The following MYBL2 variants were observed in gnomAD, a reference collection of about 807,000 sequenced individuals.
MYBL2 encodes MYB proto-oncogene like 2, also known as myb-related protein B.
A neutral mutation model predicts 79.9 loss-of-function variants in MYBL2; 28 were observed. That is an observed-to-expected ratio of 0.35 (90% CI 0.26 to 0.48). The LOEUF is 0.48. Ranked by LOEUF, MYBL2 falls within the 20% of genes least tolerant of loss-of-function variation. MYBL2 has a pLI of 0.99. For synonymous variants in MYBL2, 378 were observed against 361.2 expected (o/e 1.05, Z -0.53); for missense variants, 735 against 893.9 (o/e 0.82, Z 2.27).
At chr20:43,673,778 C>T (rs771817716) in intron 1 of MYBL2, 28 bp from the exon 2 acceptor site, 2 of 1,571,490 alleles carry the variant, frequency 1.3e-6, no homozygotes, top group African/African-American at 2.7e-5. Flanking sequence ...ACACACCATC[C>T]TTGACCCTTG....
At position 43,716,093 on chromosome 20, in the gene MYBL2, T is replaced by A. The variant is rs569596798; in HGVS notation, c.*6T>A. 2.9e-5 allele frequency: 46 copies of A among 1,605,002 alleles called. 2 individuals are homozygous for A. The South Asian group carries it at 5.0e-4, about 17-fold the overall frequency. On this transcript the variant is annotated 3_prime_UTR_variant, in exon 14 of 14. Coordinates refer to ENST00000217026, the MANE Select transcript of MYBL2 (RefSeq NM_002466.4). ...GGACCCTCATCTTGTCCTGAGGTGT[T>A]GAGGGTGTCACGAGCCCATTCTCAT...
At chr20:43,682,979 G>A in intron 4 of MYBL2, 93 bp downstream of exon 4, 4 of 1,198,158 alleles carry the variant, frequency 3.3e-6, no homozygotes, top group Non-Finnish European at 4.9e-6. Flanking sequence ...GGTTGGGGGT[G>A]TCAAGCTGAG....
intron 1 of MYBL2, among the ~76,000 whole-genome samples, chr20:43,669,037 G>T (rs1986796049): frequency 6.6e-6 from 1 of 152,128 alleles, no homozygotes; most frequent in Non-Finnish European, 1.5e-5. Context: ...CTAATTTTTT[G>T]GATTTTTAGT....
At position 43,673,793 on chromosome 20, in the gene MYBL2, G is replaced by C. The variant is rs1207462752; in HGVS notation, c.21-13G>C. ...ACACACCATCCTTGACCCTTGGCCT[G>C]CTTTCCCCATAGCGAGGATCTGGAT... On this transcript the variant is annotated splice_polypyrimidine_tract_variant and intron_variant, in intron 1 of 13. Coordinates refer to ENST00000217026, the MANE Select transcript of MYBL2 (RefSeq NM_002466.4). The C allele has an allele frequency of 6.4e-7, 1 of 1,571,702 alleles. No homozygotes were observed. Among genetic ancestry groups the C allele is most frequent in the Admixed American group, 1.9e-5 (1 of 53,930 alleles).
At chr20:43,689,445 C>T (rs146688296) in intron 5 of MYBL2, among the ~76,000 whole-genome samples, 314 of 152,278 alleles carry the variant, frequency 2.1e-3, no homozygotes, top group Middle Eastern at 6.8e-3. Context: ...TGTGCTTACT[C>T]GGTGTTAGCT....
chr20:43,708,840 G>A (rs566497349), intron 9 of MYBL2, among the ~76,000 whole-genome samples: 2 of 152,228 alleles, frequency 1.3e-5, no homozygotes, highest in Non-Finnish European at 2.9e-5. Flanking sequence ...GAGTGGCTCA[G>A]ATTCACCTCT....
chr20:43,691,312 AT>A (rs555874458), intron 5 of MYBL2, among the ~76,000 whole-genome samples: 6 of 150,984 alleles, frequency 4.0e-5, no homozygotes, highest in East Asian at 1.9e-4. Flanking sequence ...AAAATTTAAA[AT>A]TTTTTTTTTC....
At chr20:43,708,639 G>C (rs1987841249) in intron 9 of MYBL2, among the ~76,000 whole-genome samples, 1 of 152,070 alleles carries the variant, frequency 6.6e-6, no homozygotes, top group Admixed American at 6.5e-5. Flanking sequence ...TACCCAGACT[G>C]TTCTTTAACT....
intron 1 of MYBL2, among the ~76,000 whole-genome samples, chr20:43,672,690 T>C (rs1460693431): frequency 6.6e-6 from 1 of 152,166 alleles, no homozygotes; most frequent in Non-Finnish European, 1.5e-5. Flanking sequence ...GAGGCTGCAG[T>C]GAGCTGTGAT....
In MYBL2 at chr20:43,702,736, G is replaced by C; in HGVS notation, c.1198G>C (p.Gly400Arg). Residue 400 changes from glycine (G) to arginine (R), a missense_variant, in exon 8 of 14, where the codon GGC becomes CGC. This residue lies in a region of MYBL2 where 243 missense variants were observed against 327.2 expected (regional missense o/e 0.74). Coordinates refer to ENST00000217026, the MANE Select transcript of MYBL2 (RefSeq NM_002466.4). ...IPISPSTEVG[G>R]SGIGTPPSVL... is the part of the protein sequence containing the mutation. ...CATCTCCCCCAGCACTGAAGTCGGGGGCTCTGGCATTGGCACACCGCCCTC... is the reference window on the plus strand; with the variant it reads ...CATCTCCCCCAGCACTGAAGTCGGGCGCTCTGGCATTGGCACACCGCCCTC... The C allele has an allele frequency of 6.2e-7, 1 of 1,614,094 alleles. No homozygotes were observed. Among genetic ancestry groups the C allele is most frequent in the Non-Finnish European group, 8.5e-7 (1 of 1,180,008 alleles).
chr20:43,676,104 C>T (rs547999294), intron 2 of MYBL2, among the ~76,000 whole-genome samples: 1 of 152,034 alleles, frequency 6.6e-6, no homozygotes, highest in African/African-American at 2.4e-5. Flanking sequence ...AAGGTTTCTA[C>T]TTGTCTCTAC....
intron 1 of MYBL2, among the ~76,000 whole-genome samples, chr20:43,667,550 G>A (rs1448186740): frequency 1.3e-5 from 2 of 152,114 alleles, no homozygotes; most frequent in East Asian, 3.9e-4. Context: ...TGGGACGGGC[G>A]GGTCTCTTGG....
chr20:43,693,871 T>TCTTTATA (rs1987471991), intron 6 of MYBL2, among the ~76,000 whole-genome samples: 1 of 152,128 alleles, frequency 6.6e-6, no homozygotes, highest in East Asian at 1.9e-4. Flanking sequence ...GGCAACATGG[T>TCTTTATA]GAAACCCCAT....
chr20:43,674,588 G>C (rs946584056), intron 2 of MYBL2, among the ~76,000 whole-genome samples: 1 of 151,692 alleles, frequency 6.6e-6, no homozygotes, highest in Non-Finnish European at 1.5e-5. Context: ...AGATACGGGG[G>C]CTTCACCATG....
chr20:43,688,696 T>A (rs1219483949), intron 5 of MYBL2, among the ~76,000 whole-genome samples: 1 of 152,054 alleles, frequency 6.6e-6, no homozygotes, highest in Admixed American at 6.6e-5. Flanking sequence ...TTGCCCAGGC[T>A]GGTCCCAAAG....
chr20:43,713,585 C>T lies in MYBL2; in HGVS notation c.1824+479C>T, dbSNP rs540995011. On this transcript the variant is annotated intron_variant, in intron 12 of 13. Transcript: ENST00000217026. ...TATCTTTAGTAGAGACGGGGTTTCT[C>T]CATGTTGGTCAGGCTGGTCTCGAAC... 3.3e-5 allele frequency among the ~76,000 whole-genome samples: 5 copies of T among 152,218 alleles called. 1 individual carries two copies. Among genetic ancestry groups the T allele is most frequent in the African/African-American group, 1.2e-4 (5 of 41,522 alleles).
chr20:43,712,531 C>A (rs2145736225), intron 11 of MYBL2, among the ~76,000 whole-genome samples: 1 of 152,226 alleles, frequency 6.6e-6, no homozygotes, highest in African/African-American at 2.4e-5. Context: ...AGGCCCTGGA[C>A]CTGCTTCTGT....
At chr20:43,667,817 C>T (rs1041951011) in intron 1 of MYBL2, among the ~76,000 whole-genome samples, 2 of 152,124 alleles carry the variant, frequency 1.3e-5, no homozygotes, top group South Asian at 2.1e-4. Context: ...AAGCCCTCTC[C>T]CCTGGACTGA....
In MYBL2 at chr20:43,705,304, T is replaced by C; in HGVS notation, c.1451T>C (p.Val484Ala). The C allele has an allele frequency of 1.2e-6, 2 of 1,614,098 alleles. No individual in the cohort carries two copies. Among genetic ancestry groups the C allele is most frequent in the Non-Finnish European group, 1.7e-6 (2 of 1,180,010 alleles). Reference sequence around the variant, plus strand: ...ACCCCAGTGTGCAGCCAGAAGGTGGTGGTCACCACACCACTGCACCGGGAC... The same window carrying C: ...ACCCCAGTGTGCAGCCAGAAGGTGGCGGTCACCACACCACTGCACCGGGAC... ...TSTPVCSQKVVVTTPLHRDKT... is the reference protein window; with the variant it reads ...TSTPVCSQKVAVTTPLHRDKT... The change falls in exon 9 of 14, where the codon GTG becomes GCG. Residue 484 changes from valine (V) to alanine (A), a missense_variant. Val to Ala is a moderately conservative substitution (Grantham distance 64, BLOSUM62 0). Transcript: ENST00000217026.
Sources: allele counts gnomAD v4.1 joint callset (sites outside exome capture counted in the v4.1 genomes callset), GRCh38; gene constraint gnomAD v4.1.1; regional missense constraint gnomAD v4.1.1; transcripts MANE v1.5; gene names NCBI Gene and HGNC (gene_info 2026-07-23, HGNC 2026-07-21).